Variants in PBX1 observed in about 807,000 individuals in gnomAD.
PBX1 encodes PBX homeobox 1.
PBX1 carries 6 observed loss-of-function variants against 53.4 expected under a neutral mutation model. The ratio of observed to expected loss-of-function variants is 0.11; its 90% confidence interval spans 0.06 to 0.22. The LOEUF (loss-of-function observed/expected upper bound fraction) is 0.22, where lower values mean the gene tolerates loss of function less well. Ranked by LOEUF, PBX1 falls within the 10% of genes least tolerant of loss-of-function variation. PBX1 has a pLI of 1.00. For missense variants in PBX1, 251 were observed against 551.4 expected, an observed-to-expected ratio of 0.46 and a Z score of 5.46; for synonymous variants, 204 against 212.3, an observed-to-expected ratio of 0.96 and a Z score of 0.34.
intron 2 of PBX1, among the ~76,000 whole-genome samples, chr1:164,593,492 A>G (rs1655546561): frequency 6.6e-6 from 1 of 152,144 alleles, no homozygotes; most frequent in South Asian, 2.1e-4. Flanking sequence ...ATAATCAGAG[A>G]GTCCTGGTTG....
At chr1:164,634,418 C>T (rs571285886) in intron 2 of PBX1, among the ~76,000 whole-genome samples, 1 of 152,270 alleles carries the variant, frequency 6.6e-6, no homozygotes, top group South Asian at 2.1e-4. Flanking sequence ...TTTTCCTGGT[C>T]CTTATCTCCT....
rs765806321 is a variant in PBX1 at position 164,792,620 on chromosome 1, C to T, written c.392C>T (p.Ala131Val). ...EKGGGSAAAA[A>V]AAAASGGAGS... ...GGCGGAGGGTCGGCGGCAGCGGCGG[C>T]AGCGGCGGCGGCTTCTGGAGGGGCA... The change falls in exon 3 of 9, where the codon GCA becomes GTA. Residue 131 changes from alanine (A) to valine (V), a missense_variant. Physicochemically the swap from Ala to Val is moderately conservative, Grantham distance 64. This residue lies in a region of PBX1 where 76 missense variants were observed against 197.5 expected (regional missense o/e 0.38). Coordinates refer to ENST00000420696, the MANE Select transcript of PBX1 (RefSeq NM_002585.4). 1.9e-6 allele frequency: 3 copies of T among 1,613,600 alleles called. No individual in the cohort carries two copies. Among genetic ancestry groups the T allele is most frequent in the African/African-American group, 2.7e-5 (2 of 75,026 alleles).
intron 2 of PBX1, among the ~76,000 whole-genome samples, chr1:164,878,291 C>A (rs2102462657): frequency 6.6e-6 from 1 of 152,052 alleles, no homozygotes; most frequent in South Asian, 2.1e-4. Flanking sequence ...CATAGCACAG[C>A]CTCTATTCAT....
chr1:164,645,032 C>T (rs968178580), intron 2 of PBX1, among the ~76,000 whole-genome samples: 5 of 152,126 alleles, frequency 3.3e-5, no homozygotes, highest in East Asian at 3.9e-4. Flanking sequence ...GCATTGGGCA[C>T]GGTGTATATC....
intron 2 of PBX1, among the ~76,000 whole-genome samples, chr1:164,621,659 T>G (rs1404441215): frequency 6.6e-6 from 1 of 152,124 alleles, no homozygotes; most frequent in Admixed American, 6.6e-5. Context: ...TGGCCATAAT[T>G]AAGAATCATT....
chr1:164,702,672 C>T (rs1663191350), intron 2 of PBX1, among the ~76,000 whole-genome samples: 1 of 150,192 alleles, frequency 6.7e-6, no homozygotes, highest in Non-Finnish European at 1.5e-5. Context: ...TTCTAAAGCA[C>T]TATGAAAATG....
At chr1:164,694,903 C>G (rs919405881) in intron 2 of PBX1, among the ~76,000 whole-genome samples, 5 of 152,208 alleles carry the variant, frequency 3.3e-5, no homozygotes, top group African/African-American at 1.2e-4. Flanking sequence ...GTATTGACCT[C>G]TTGACTGGTG....
At chr1:164,657,662 A>G (rs891345551) in intron 2 of PBX1, among the ~76,000 whole-genome samples, 3 of 152,212 alleles carry the variant, frequency 2.0e-5, no homozygotes, top group South Asian at 2.1e-4. Flanking sequence ...GAGTTGACCT[A>G]TAAGTGGGCA....
chr1:164,588,914 G>A (rs1466415896), intron 2 of PBX1, among the ~76,000 whole-genome samples: 10 of 151,990 alleles, frequency 6.6e-5, no homozygotes, highest in Admixed American at 6.6e-4. Flanking sequence ...CCTTTCTGTT[G>A]TTTAAAGAGA....
intron 2 of PBX1, among the ~76,000 whole-genome samples, chr1:164,665,303 G>A (rs1660743279): frequency 6.6e-6 from 1 of 151,670 alleles, no homozygotes; most frequent in Non-Finnish European, 1.5e-5. Flanking sequence ...TTTACTTTTT[G>A]AGTCAGAGTC....
At chr1:164,823,610 TG>T (rs1670273739) in intron 8 of PBX1, among the ~76,000 whole-genome samples, 1 of 6,646 alleles carries the variant, frequency 1.5e-4, no homozygotes, top group African/African-American at 6.6e-4. Context: ...AGTCAGACTC[TG>T]GGGGGTGGGG....
chr1:164,715,560 TTATC>T (rs1334146516), intron 2 of PBX1, among the ~76,000 whole-genome samples: 1 of 152,212 alleles, frequency 6.6e-6, no homozygotes. Context: ...CTGGGGGACC[TTATC>T]TATCTAACTC....
intron 2 of PBX1, among the ~76,000 whole-genome samples, chr1:164,879,235 T>C (rs1439095811): frequency 2.0e-5 from 3 of 152,234 alleles, no homozygotes; most frequent in Non-Finnish European, 4.4e-5. Flanking sequence ...AACATTTATT[T>C]GCCTGATTGG....
chr1:164,829,012 T>C (rs1407553035), intron 8 of PBX1: 1 of 152,252 alleles, frequency 6.6e-6, no homozygotes, highest in Non-Finnish European at 1.5e-5. Context: ...AATTTGATAG[T>C]ATTAGTAAAT....
intron 2 of PBX1, among the ~76,000 whole-genome samples, chr1:164,655,100 G>GTTTTTTTTTTT (rs35954587): frequency 7.8e-4 from 108 of 138,714 alleles, no homozygotes; most frequent in African/African-American, 1.6e-3. Flanking sequence ...TCTGATGTGT[G>GTTTTTTTTTTT]TTTTTTTTTT....
chr1:164,822,247 C>G (rs1670198235), intron 8 of PBX1, among the ~76,000 whole-genome samples: 1 of 150,552 alleles, frequency 6.6e-6, no homozygotes, highest in South Asian at 2.1e-4. Flanking sequence ...AGATTTGGGA[C>G]AGCAATCCAA....
At chr1:164,678,800 C>T (rs927312647) in intron 2 of PBX1, among the ~76,000 whole-genome samples, 8 of 152,176 alleles carry the variant, frequency 5.3e-5, no homozygotes, top group African/African-American at 1.9e-4. Context: ...CTCTCTCATC[C>T]TCAGTCGGCA....
At chr1:164,885,589 A>G (rs1672758550) in intron 2 of PBX1, among the ~76,000 whole-genome samples, 1 of 152,188 alleles carries the variant, frequency 6.6e-6, no homozygotes, top group Non-Finnish European at 1.5e-5. Context: ...TCTAACATCA[A>G]GCAGACCTGA....
chr1:164,666,273 TGGAAA>T (rs550894450), intron 2 of PBX1, among the ~76,000 whole-genome samples: 2 of 152,282 alleles, frequency 1.3e-5, no homozygotes, highest in East Asian at 3.9e-4. Flanking sequence ...AAAAGCTAGA[TGGAAA>T]GGAAAGAGGC....
Sources: allele counts gnomAD v4.1 joint callset (sites outside exome capture counted in the v4.1 genomes callset), GRCh38; gene constraint gnomAD v4.1.1; regional missense constraint gnomAD v4.1.1; transcripts MANE v1.5; gene names NCBI Gene and HGNC (gene_info 2026-07-23, HGNC 2026-07-21).